PRKCG: variants seen among roughly 807,000 people sequenced by gnomAD.
PRKCG encodes protein kinase C gamma.
In PRKCG, 28 loss-of-function variants were observed where a neutral mutation model predicts 82.0. That is an observed-to-expected ratio of 0.34 (90% CI 0.25 to 0.47). The LOEUF is 0.47. PRKCG is among the 20% of genes least tolerant of loss of function. The probability of loss-of-function intolerance (pLI) is 1.00; values close to 1 mark genes in which losing one functional copy is unlikely to be tolerated. For missense variants in PRKCG, 640 were observed against 952.7 expected (o/e 0.67, Z 4.32); for synonymous variants, 383 against 376.6 (o/e 1.02, Z -0.20).
chr19:53,904,888 T>C (rs2068790447), intron 16 of PRKCG, 146 bp downstream of exon 16: 2 of 726,304 alleles, frequency 2.8e-6, no homozygotes, highest in Non-Finnish European at 4.8e-6. Flanking sequence ...TAGGTTTTGT[T>C]AGAACAATGA....
chr19:53,903,235 G>C (rs2068778273), intron 15 of PRKCG, 82 bp downstream of exon 15: 1 of 1,108,906 alleles, frequency 9.0e-7, no homozygotes, highest in Non-Finnish European at 1.4e-6. Flanking sequence ...CAGTTAGAAA[G>C]GAGCCCAGAA....
intron 14 of PRKCG, among the ~76,000 whole-genome samples, chr19:53,901,652 C>G (rs1339374429): frequency 6.7e-6 from 1 of 149,398 alleles, no homozygotes; most frequent in African/African-American, 2.5e-5. Flanking sequence ...GAGTTTGAGA[C>G]CAGCCTGACT....
chr19:53,906,588 ACAC>A (rs1006756301), intron 17 of PRKCG, 116 bp from the exon 18 acceptor site: 1 of 1,553,662 alleles, frequency 6.4e-7, no homozygotes, highest in Non-Finnish European at 8.9e-7. Context: ...GGAGGTGCAG[ACAC>A]CATGAAGCAT....
chr19:53,889,978 G>C lies in PRKCG; in HGVS notation c.490G>C (p.Glu164Gln). Reference sequence around the variant, plus strand: ...CGAGCGCCGCGGGCGCCTGCAGCTGGAGATCCGGGCTCCCACAGCAGATGA... The same window carrying C: ...CGAGCGCCGCGGGCGCCTGCAGCTGCAGATCCGGGCTCCCACAGCAGATGA... Reference protein sequence around the residue: ...HTERRGRLQLEIRAPTADEIH... With the variant: ...HTERRGRLQLQIRAPTADEIH... The change falls in exon 5 of 18, where the codon GAG (glutamate) becomes CAG (glutamine). Residue 164 changes from glutamate to glutamine, a missense_variant. Glu to Gln is a conservative substitution (Grantham distance 29). Around this residue, in one of 7 missense-constraint regions of PRKCG, gnomAD observed 261 missense variants for 312.1 expected, o/e 0.84. Transcript: ENST00000263431. The surrounding 1 kb of genome is among the most constrained non-coding windows in gnomAD (Gnocchi z 4.4). 1 of 1,573,112 alleles carries C rather than the reference G, an allele frequency of 6.4e-7. No individual in the cohort carries two copies. The highest frequency in any genetic ancestry group is 1.2e-5 in the South Asian group (1 of 85,846).
chr19:53,889,510 A>T lies in PRKCG; in HGVS notation c.286-128A>T, dbSNP rs1051843799. 1 of 717,560 alleles carries T rather than the reference A, an allele frequency of 1.4e-6. No homozygotes were observed. Among genetic ancestry groups the T allele is most frequent in the Admixed American group, 2.2e-5 (1 of 45,944 alleles). The allele number at this position is 717,560 out of a possible 1,614,324, so 44.4% of individuals were successfully genotyped here. A position where few individuals can be genotyped will look rare whatever the true frequency, so the allele number is the denominator to read the frequency against. On this transcript the variant is annotated intron_variant, in intron 3 of 17. Transcript: ENST00000263431. This position sits in a 1 kb window ranked among gnomAD's most constrained non-coding sequence, Gnocchi z 4.4. ...GCAGGTGCTCAATGATTATTGGTAC[A>T]TAGAGTGAAAGAGATGGAGCCTCAG...
Position 53,898,082 on chromosome 19 carries a change from AT to A in PRKCG, c.1064del (p.Met355ArgfsTer3). 1 of 1,613,844 alleles carries A rather than the reference AT, an allele frequency of 6.2e-7. No homozygotes were observed. Among genetic ancestry groups the A allele is most frequent in the Non-Finnish European group, 8.5e-7 (1 of 1,179,976 alleles). On this transcript the variant is annotated frameshift_variant, in exon 10 of 18. Transcript: ENST00000263431. LOFTEE classifies it high-confidence loss of function. ...RLHISDFSFL[M>X]VLGKGSFGKV... Reference sequence around the variant, plus strand: ...GCACATCTCCGACTTCAGCTTCCTCATGGTTCTAGGAAAAGGCAGTTTTGGG... The same window carrying A: ...GCACATCTCCGACTTCAGCTTCCTCAGGTTCTAGGAAAAGGCAGTTTTGGG...
chr19:53,898,076 TTCC>T lies in PRKCG; in HGVS notation c.1060_1062del (p.Leu354del). ...ACGCCTGCACATCTCCGACTTCAGC[TTCC>T]TCATGGTTCTAGGAAAAGGCAGTTT... is the stretch of plus-strand genomic sequence containing the variant. On this transcript the variant is annotated inframe_deletion, in exon 10 of 18. Coordinates refer to ENST00000263431, the MANE Select transcript of PRKCG (RefSeq NM_002739.5). 1 of 1,614,104 alleles carries T rather than the reference TTCC, an allele frequency of 6.2e-7. No individual in the cohort carries two copies. The highest frequency in any genetic ancestry group is 8.5e-7 in the Non-Finnish European group (1 of 1,180,026).
In PRKCG at chr19:53,892,283, G is replaced by T. The variant is rs1007759953; in HGVS notation, c.687-226G>T. Among the ~76,000 whole-genome samples the T allele has an allele frequency of 6.6e-6, 1 of 152,094 alleles. No individual in the cohort carries two copies. The highest frequency in any genetic ancestry group is 2.4e-5 in the African/African-American group (1 of 41,416). On this transcript the variant is annotated intron_variant, in intron 6 of 17. Coordinates refer to ENST00000263431, the MANE Select transcript of PRKCG (RefSeq NM_002739.5). This position sits in a 1 kb window ranked among gnomAD's most constrained non-coding sequence, Gnocchi z 5.9. ...ACAAGAGACAGAGATGGGAAGGGGC[G>T]GAGAATGCAGGAGGAAGGGAGAGGA...
rs1224353023 is a variant in PRKCG at position 53,884,333 on chromosome 19, A to G, written c.285+90A>G. Reference sequence around the variant, plus strand: ...CGTCCCAATTTCTCCTGCTATTTTTATGGCTGGGAGGGGAGGGGGGCTGGA... The same window carrying G: ...CGTCCCAATTTCTCCTGCTATTTTTGTGGCTGGGAGGGGAGGGGGGCTGGA... On this transcript the variant is annotated intron_variant, in intron 3 of 17. Transcript: ENST00000263431. This position sits in a 1 kb window ranked among gnomAD's most constrained non-coding sequence, Gnocchi z 4.6. 5.7e-6 allele frequency: 7 copies of G among 1,233,404 alleles called. No homozygotes were observed. The highest frequency in any genetic ancestry group is 3.0e-5 in the African/African-American group (2 of 66,432). 76.4% of individuals were successfully genotyped at this position (1,233,404 alleles called of 1,614,324 possible).
At chr19:53,890,275 G>A (rs147033723) in intron 5 of PRKCG, among the ~76,000 whole-genome samples, 203 of 151,054 alleles carry the variant, frequency 1.3e-3, no homozygotes, top group African/African-American at 4.6e-3. Flanking sequence ...TTTTTTTTTG[G>A]GACGGAGTTT....
chr19:53,889,876 TC>T lies in PRKCG; in HGVS notation c.398-6del. ...GGGCCTGAGGTGCTACCCGCAGCTT[TC>T]CCCTCCAGGCTGCGAGATGAACGTG... On this transcript the variant is annotated splice_polypyrimidine_tract_variant and intron_variant, in intron 4 of 17. Transcript: ENST00000263431. The surrounding 1 kb of genome is among the most constrained non-coding windows in gnomAD (Gnocchi z 4.4). 3 of 1,580,084 alleles carry T rather than the reference TC, an allele frequency of 1.9e-6. No individual in the cohort carries two copies. The highest frequency in any genetic ancestry group is 1.7e-6 in the Non-Finnish European group (2 of 1,163,718).
In PRKCG at chr19:53,901,502, C is replaced by T. The variant is rs566854071; in HGVS notation, c.1575+753C>T. On this transcript the variant is annotated intron_variant, in intron 14 of 17. Coordinates refer to ENST00000263431, the MANE Select transcript of PRKCG (RefSeq NM_002739.5). ...GAGGTTGCAGTGAGCTGAGATCACA[C>T]CACTGCACTCCAGCCTGGGTGACAG... Among the ~76,000 whole-genome samples the T allele has an allele frequency of 1.2e-4, 17 of 146,182 alleles. No homozygotes were observed. In the South Asian group the frequency reaches 2.4e-3, roughly 21 times the overall value.
intron 5 of PRKCG, among the ~76,000 whole-genome samples, chr19:53,891,040 C>G (rs2068671450): frequency 1.3e-5 from 2 of 151,948 alleles, no homozygotes; most frequent in African/African-American, 4.8e-5. Flanking sequence ...GGGTGAGGAC[C>G]GTGCCCGGCA....
In PRKCG at chr19:53,882,229, ACCG is replaced by A. The variant is rs1159681689; in HGVS notation, c.-257_-255del. ...AGCAGGTGCCGGAGCTGGAGCTCCC[ACCG>A]CCGCCGCCCGTGCCTCCGGCTGCCG... is the stretch of plus-strand genomic sequence containing the variant. On this transcript the variant is annotated 5_prime_UTR_variant, in exon 1 of 18. Transcript: ENST00000263431. The surrounding 1 kb of genome is among the most constrained non-coding windows in gnomAD (Gnocchi z 6.1). The A allele has an allele frequency of 1.9e-6, 1 of 513,194 alleles. No homozygotes were observed. 31.8% of individuals were successfully genotyped at this position (513,194 alleles called of 1,614,324 possible). A position where few individuals can be genotyped will look rare whatever the true frequency, so the allele number is the denominator to read the frequency against.
intron 14 of PRKCG, among the ~76,000 whole-genome samples, chr19:53,901,789 G>A (rs541118450): frequency 1.5e-4 from 23 of 149,574 alleles, no homozygotes; most frequent in Non-Finnish European, 2.8e-4. Flanking sequence ...GGTGGAGGTT[G>A]CAGTGAGCTG....
Position 53,898,115 on chromosome 19 carries a change from G to T in PRKCG, c.1092+4G>T, listed in dbSNP as rs759001934. ...AGGAAAAGGCAGTTTTGGGAAGGTT[G>T]GATTCCTGGGGTTCTGGGGGAAAGG... On this transcript the variant is annotated splice_donor_region_variant and intron_variant, in intron 10 of 17. Transcript: ENST00000263431. 1 of 1,613,998 alleles carries T rather than the reference G, an allele frequency of 6.2e-7. No individual in the cohort carries two copies. The highest frequency in any genetic ancestry group is 1.1e-5 in the South Asian group (1 of 91,064).
Position 53,892,238 on chromosome 19 carries a change from A to G in PRKCG, c.687-271A>G, listed in dbSNP as rs183401858. Among the ~76,000 whole-genome samples the G allele has an allele frequency of 2.6e-5, 4 of 152,272 alleles. No homozygotes were observed. The highest frequency in any genetic ancestry group is 7.2e-5 in the African/African-American group (3 of 41,554). The stretch of plus-strand genomic sequence containing the variant: ...AGAGGAGAGAAGGGTACAGAGACTC[A>G]GAGAGAGAGATCTCGAGAGACAAGA... On this transcript the variant is annotated intron_variant, in intron 6 of 17. Coordinates refer to ENST00000263431, the MANE Select transcript of PRKCG (RefSeq NM_002739.5). The surrounding 1 kb of genome is among the most constrained non-coding windows in gnomAD (Gnocchi z 5.9).
At chr19:53,890,807 A>G (rs967548751) in intron 5 of PRKCG, among the ~76,000 whole-genome samples, 1 of 148,060 alleles carries the variant, frequency 6.8e-6, no homozygotes, top group Non-Finnish European at 1.5e-5. Context: ...GCTGGAGTGC[A>G]GTAGCATGAT....
At position 53,883,324 on chromosome 19, in the gene PRKCG, T is replaced by A; in HGVS notation, c.202+130T>A. 8.9e-7 allele frequency: 1 copy of A among 1,125,216 alleles called. No homozygotes were observed. Among genetic ancestry groups the A allele is most frequent in the Non-Finnish European group, 1.3e-6 (1 of 766,128 alleles). 69.7% of individuals were successfully genotyped at this position (1,125,216 alleles called of 1,614,324 possible). A position where few individuals can be genotyped will look rare whatever the true frequency, so the allele number is the denominator to read the frequency against. On this transcript the variant is annotated intron_variant, in intron 2 of 17. Coordinates refer to ENST00000263431, the MANE Select transcript of PRKCG (RefSeq NM_002739.5). This position sits in a 1 kb window ranked among gnomAD's most constrained non-coding sequence, Gnocchi z 5.4. Reference sequence around the variant, plus strand: ...GCGGGGGAGCCCGGGGCGGGGGGTGTGGCAGAGACACAGCCTGTGGTGGGG... The same window carrying A: ...GCGGGGGAGCCCGGGGCGGGGGGTGAGGCAGAGACACAGCCTGTGGTGGGG...
Sources: gnomAD v4.1 joint callset for allele counts (sites outside exome capture counted in the v4.1 genomes callset) on GRCh38, gnomAD v4.1.1 for gene constraint, gnomAD v4.1.1 regional missense constraint, Gnocchi (gnomAD v3.1) non-coding constraint, MANE v1.5 for transcripts, NCBI Gene and HGNC (gene_info 2026-07-23, HGNC 2026-07-21) for gene names.